PDXK: variants seen among roughly 807,000 people sequenced by gnomAD.
PDXK encodes pyridoxal kinase, also known as epididymis secretory sperm binding protein Li 1a.
PDXK carries 15 observed loss-of-function variants against 43.2 expected under a neutral mutation model. The observed-to-expected ratio is 0.35, with a 90% CI of 0.23 to 0.53. The LOEUF (loss-of-function observed/expected upper bound fraction) is 0.53. Ranked by LOEUF, PDXK falls within the 20% of genes least tolerant of loss-of-function variation. The pLI is 0.92. For missense variants in PDXK, 343 were observed against 417.0 expected (o/e 0.82, Z 1.54); for synonymous variants, 172 against 165.4 (o/e 1.04, Z -0.31).
Position 43,732,664 on chromosome 21 carries a change from A to G in PDXK, c.88-1405A>G. On this transcript the variant is annotated intron_variant, in intron 1 of 10. Transcript: ENST00000291565. This position sits in a 1 kb window ranked among gnomAD's most constrained non-coding sequence, Gnocchi z 4.1. ...TCACAGTCGGTTAGAATTTTAAAGG[A>G]TTTGAAATACTGCAAGCTATCTGTG... 1.3e-6 allele frequency: 1 copy of G among 777,762 alleles called. No individual in the cohort carries two copies. Among genetic ancestry groups the G allele is most frequent in the South Asian group, 1.3e-5 (1 of 74,576 alleles). The allele number at this position is 777,762 out of a possible 1,614,324, so 48.2% of individuals were successfully genotyped here. A position where few individuals can be genotyped will look rare whatever the true frequency, so the allele number is the denominator to read the frequency against.
At chr21:43,744,225 TG>T (rs1197554302) in intron 4 of PDXK, among the ~76,000 whole-genome samples, 3 of 107,204 alleles carry the variant, frequency 2.8e-5, no homozygotes, top group Non-Finnish European at 5.9e-5. Flanking sequence ...GGCTAGGGAG[TG>T]GGGGGAGGGA....
intron 1 of PDXK, among the ~76,000 whole-genome samples, chr21:43,726,273 T>TC (rs2083252558): frequency 7.1e-6 from 1 of 141,120 alleles, no homozygotes; most frequent in African/African-American, 2.7e-5. Context: ...TCTTTTTCTT[T>TC]TTTTTTTTTT....
At chr21:43,741,509 A>G in intron 2 of PDXK, 158 bp from the exon 3 acceptor site, 2 of 1,435,064 alleles carry the variant, frequency 1.4e-6, no homozygotes, top group South Asian at 1.6e-5. Flanking sequence ...GGGACCTGCC[A>G]AGCACTGCGC....
At chr21:43,725,080 T>G (rs1311668105) in intron 1 of PDXK, among the ~76,000 whole-genome samples, 1 of 152,048 alleles carries the variant, frequency 6.6e-6, no homozygotes, top group Non-Finnish European at 1.5e-5. Flanking sequence ...TCCCAGCACT[T>G]TGGGAGGCTG....
rs1270896143 is a variant in PDXK at position 43,760,734 on chromosome 21, T to C, written c.*4671T>C. On this transcript the variant is annotated 3_prime_UTR_variant, in exon 11 of 11. Transcript: ENST00000291565. ...GTGGCTGGGCTCTGTGTGTGGCCTG[T>C]GTCCCCTGTCCCTGCAGGACCCAGC... 3.3e-5 allele frequency: 5 copies of C among 152,288 alleles called. No homozygotes were observed. Among genetic ancestry groups the C allele is most frequent in the Non-Finnish European group, 5.9e-5 (4 of 68,092 alleles). 9.4% of individuals were successfully genotyped at this position (152,288 alleles called of 1,614,324 possible).
chr21:43,741,603 GGGAAGCCCAC>G, intron 2 of PDXK, 54 bp from the exon 3 acceptor site: 1 of 1,589,536 alleles, frequency 6.3e-7, no homozygotes, highest in Non-Finnish European at 8.6e-7. Flanking sequence ...CGGGTGTCAA[GGGAAGCCCAC>G]GGCCCCAGCT....
rs2083865979 is a variant in PDXK, at chr21:43,757,255, C to G, written c.*1192C>G. ...CCCCACTTTGCCCAGAGTTTGGGGT[C>G]CCCCCAGGTATAGCTATAGGCGGCA... On this transcript the variant is annotated 3_prime_UTR_variant, in exon 11 of 11. Transcript: ENST00000291565. 6.5e-6 allele frequency: 1 copy of G among 152,746 alleles called. No individual in the cohort carries two copies. Among genetic ancestry groups the G allele is most frequent in the African/African-American group, 2.4e-5 (1 of 41,482 alleles). The allele number at this position is 152,746 out of a possible 1,614,324, so 9.5% of individuals were successfully genotyped here.
intron 6 of PDXK, 92 bp downstream of exon 6, chr21:43,749,172 A>G (rs1277003905): frequency 2.9e-6 from 2 of 688,106 alleles, no homozygotes; most frequent in African/African-American, 3.6e-5. Flanking sequence ...TGGCACGATC[A>G]CAGCTCACTG....
intron 1 of PDXK, among the ~76,000 whole-genome samples, chr21:43,720,371 G>A (rs2083197151): frequency 6.6e-6 from 1 of 152,234 alleles, no homozygotes; most frequent in Non-Finnish European, 1.5e-5. Flanking sequence ...GCACGGCGGG[G>A]CCTGCGGTGC....
intron 2 of PDXK, among the ~76,000 whole-genome samples, chr21:43,736,239 G>C (rs1601799510): frequency 6.6e-6 from 1 of 152,174 alleles, no homozygotes; most frequent in African/African-American, 2.4e-5. Flanking sequence ...AAAGAAAGAT[G>C]TCTGCATGCA....
intron 1 of PDXK, chr21:43,729,114 G>A: frequency 2.7e-6 from 2 of 740,404 alleles, no homozygotes; most frequent in Non-Finnish European, 1.6e-6. Context: ...GGCCTCCGCG[G>A]CTCTTCCCAC....
chr21:43,742,052 G>A (rs1329362749), intron 3 of PDXK, among the ~76,000 whole-genome samples: 1 of 152,190 alleles, frequency 6.6e-6, no homozygotes, highest in Non-Finnish European at 1.5e-5. Flanking sequence ...CAGGCAGGGT[G>A]TTGGGAACGC....
Position 43,759,143 on chromosome 21 carries a change from C to T in PDXK, c.*3080C>T, listed in dbSNP as rs118045212. Reference sequence around the variant, plus strand: ...GCCCCTGGGGTAACAGTCCCCACCGCTACCCGAGGTAAAACAATAAAAGCT... The same window carrying T: ...GCCCCTGGGGTAACAGTCCCCACCGTTACCCGAGGTAAAACAATAAAAGCT... On this transcript the variant is annotated 3_prime_UTR_variant, in exon 11 of 11. Coordinates refer to ENST00000291565, the MANE Select transcript of PDXK (RefSeq NM_003681.5). 478 of 152,458 alleles carry T rather than the reference C, an allele frequency of 3.1e-3. 2 individuals carry two copies. Among genetic ancestry groups the T allele is most frequent in the Non-Finnish European group, 4.1e-3 (278 of 68,042 alleles). 9.4% of individuals were successfully genotyped at this position (152,458 alleles called of 1,614,324 possible).
At chr21:43,719,464 C>A in intron 1 of PDXK, 83 bp downstream of exon 1, 1 of 1,382,666 alleles carries the variant, frequency 7.2e-7, no homozygotes, top group Non-Finnish European at 9.7e-7. Flanking sequence ...CTCAGTTCCC[C>A]GAGGGAGGCT....
chr21:43,743,957 C>T (rs2083592556), intron 4 of PDXK, 150 bp downstream of exon 4: 2 of 655,518 alleles, frequency 3.1e-6, no homozygotes, highest in Non-Finnish European at 5.5e-6. Flanking sequence ...GTCTGCTGGG[C>T]CTCTGAAGAT....
At chr21:43,720,135 G>C (rs1471109315) in intron 1 of PDXK, among the ~76,000 whole-genome samples, 1 of 152,228 alleles carries the variant, frequency 6.6e-6, no homozygotes, top group East Asian at 1.9e-4. Context: ...GGCCCGTGGA[G>C]GGGTAGGAGA....
Position 43,756,188 on chromosome 21 carries a change from C to A in PDXK, c.*125C>A, listed in dbSNP as rs551840250. The A allele has an allele frequency of 1.5e-5, 9 of 596,874 alleles. No individual in the cohort carries two copies. Among genetic ancestry groups the A allele is most frequent in the Non-Finnish European group, 2.4e-5 (8 of 333,860 alleles). The allele number at this position is 596,874 out of a possible 1,614,324, so 37.0% of individuals were successfully genotyped here. ...GATATTTTTTTCTTTCATGAGTGTC[C>A]GGCATCTGCTGGTCTTCATTGTGAA... On this transcript the variant is annotated 3_prime_UTR_variant, in exon 11 of 11. Transcript: ENST00000291565.
chr21:43,719,492 G>A, intron 1 of PDXK, 111 bp downstream of exon 1: 12 of 1,321,842 alleles, frequency 9.1e-6, no homozygotes, highest in Non-Finnish European at 1.2e-5. Flanking sequence ...TGCGGGCAGA[G>A]CCTGGCGCGG....
In PDXK at chr21:43,732,037, C is replaced by A; in HGVS notation, c.88-2032C>A. The A allele has an allele frequency of 1.7e-6, 1 of 572,344 alleles. No homozygotes were observed. Among genetic ancestry groups the A allele is most frequent in the Non-Finnish European group, 2.4e-6 (1 of 424,080 alleles). The allele number at this position is 572,344 out of a possible 1,614,324, so 35.5% of individuals were successfully genotyped here. ...GGAGGGAAAGCCACAAAGTGGATTC[C>A]GCTGCTGCTATGGGAAGGGACGGTC... is the stretch of plus-strand genomic sequence containing the variant. On this transcript the variant is annotated intron_variant, in intron 1 of 10. Transcript: ENST00000291565. This position sits in a 1 kb window ranked among gnomAD's most constrained non-coding sequence, Gnocchi z 4.1.
Sources: allele counts gnomAD v4.1 joint callset (sites outside exome capture counted in the v4.1 genomes callset), GRCh38; gene constraint gnomAD v4.1.1; non-coding constraint Gnocchi (gnomAD v3.1); transcripts MANE v1.5; gene names NCBI Gene and HGNC (gene_info 2026-07-23, HGNC 2026-07-21).